LRRTM4: variants seen among roughly 807,000 people sequenced by gnomAD.
LRRTM4 encodes the protein leucine rich repeat transmembrane neuronal 4, also known as leucine-rich repeat transmembrane neuronal protein 4.
LRRTM4 carries 25 observed loss-of-function variants against 47.6 expected under a neutral mutation model. The ratio of observed to expected loss-of-function variants is 0.53; its 90% CI spans 0.38 to 0.73. LRRTM4 has a LOEUF of 0.73. Among genes scored for constraint, LRRTM4 ranks in the 30% least tolerant of loss-of-function variants. The probability of loss-of-function intolerance (pLI) is 0.00; values close to 1 mark genes in which losing one functional copy is unlikely to be tolerated. For missense variants in LRRTM4, 638 were observed against 713.4 expected (o/e 0.89, Z 1.20); for synonymous variants, 311 against 269.5 (o/e 1.15, Z -1.51).
At chr2:76,973,474 T>C (rs929429948) in intron 3 of LRRTM4, among the ~76,000 whole-genome samples, 1 of 151,950 alleles carries the variant, frequency 6.6e-6, no homozygotes, top group African/African-American at 2.4e-5. Flanking sequence ...TTCCTGAAGG[T>C]AGACATGCTA....
intron 3 of LRRTM4, among the ~76,000 whole-genome samples, chr2:76,999,906 T>G (rs1422635990): frequency 1.3e-5 from 2 of 152,150 alleles, no homozygotes; most frequent in East Asian, 1.9e-4. Flanking sequence ...TAAAACTAAG[T>G]TGCTACAGTT....
chr2:77,009,793 T>TAA (rs1314697485), intron 3 of LRRTM4: 1 of 152,082 alleles, frequency 6.6e-6, no homozygotes, highest in East Asian at 1.9e-4. Context: ...TGCCTCTTAT[T>TAA]ACAGTGTAAG....
intron 3 of LRRTM4, among the ~76,000 whole-genome samples, chr2:76,773,703 A>AG (rs1673819540): frequency 6.6e-6 from 1 of 151,856 alleles, no homozygotes; most frequent in African/African-American, 2.4e-5. Flanking sequence ...ATCTTTACAC[A>AG]GAAAAACACA....
At chr2:77,306,017 C>T (rs1677261394) in intron 3 of LRRTM4, among the ~76,000 whole-genome samples, 1 of 152,052 alleles carries the variant, frequency 6.6e-6, no homozygotes, top group East Asian at 1.9e-4. Flanking sequence ...GACCACATGT[C>T]CATGTTTACA....
intron 3 of LRRTM4, among the ~76,000 whole-genome samples, chr2:77,387,708 C>T (rs1673338943): frequency 6.6e-6 from 1 of 152,066 alleles, no homozygotes; most frequent in Non-Finnish European, 1.5e-5. Flanking sequence ...ACCGCGGGCC[C>T]TTCACAGTTC....
chr2:77,361,200 C>T (rs1428786123), intron 3 of LRRTM4, among the ~76,000 whole-genome samples: 1 of 151,500 alleles, frequency 6.6e-6, no homozygotes, highest in Non-Finnish European at 1.5e-5. Flanking sequence ...TTCACCCACT[C>T]ACTTCTCTTA....
At chr2:77,216,273 T>G (rs1406080575) in intron 3 of LRRTM4, among the ~76,000 whole-genome samples, 1 of 152,240 alleles carries the variant, frequency 6.6e-6, no homozygotes, top group East Asian at 1.9e-4. Context: ...CCCAAATATC[T>G]TAAAATAAAT....
At chr2:77,275,137 A>G (rs559127203) in intron 3 of LRRTM4, among the ~76,000 whole-genome samples, 2 of 152,298 alleles carry the variant, frequency 1.3e-5, no homozygotes, top group East Asian at 3.9e-4. Context: ...TGACATATGT[A>G]AAGTACTACT....
chr2:77,521,000 A>T (rs1295855566), intron 2 of LRRTM4, among the ~76,000 whole-genome samples: 1 of 151,886 alleles, frequency 6.6e-6, no homozygotes, highest in African/African-American at 2.4e-5. Context: ...CCAAATCCCT[A>T]ATCTAAAACC....
chr2:77,236,984 CTTTG>C (rs1351492795), intron 3 of LRRTM4, among the ~76,000 whole-genome samples: 3 of 151,772 alleles, frequency 2.0e-5, no homozygotes, highest in African/African-American at 2.4e-5. Context: ...CTGTGGTTTT[CTTTG>C]TTTGTTGTAT....
chr2:76,913,601 G>A (rs530047379), intron 3 of LRRTM4, among the ~76,000 whole-genome samples: 13 of 143,930 alleles, frequency 9.0e-5, no homozygotes, highest in South Asian at 6.6e-4. Flanking sequence ...GTGCAATTGC[G>A]CGATCTTGGC....
intron 3 of LRRTM4, among the ~76,000 whole-genome samples, chr2:76,931,136 A>G (rs1040252745): frequency 1.3e-5 from 2 of 152,174 alleles, no homozygotes; most frequent in Non-Finnish European, 2.9e-5. Flanking sequence ...AGAAAGAAAA[A>G]AATAACTGAA....
Position 77,174,321 on chromosome 2 carries a change from C to T in LRRTM4, c.1551+343997G>A, listed in dbSNP as rs143462555. 4.0e-3 allele frequency among the ~76,000 whole-genome samples: 613 copies of T among 152,288 alleles called. 2 individuals are homozygous for T. The highest frequency in any genetic ancestry group is 6.4e-3 in the Admixed American group (98 of 15,294). On this transcript the variant is annotated intron_variant, in intron 3 of 3. Transcript: ENST00000409884. ...GCCTGGCAACCTTAAAAGAGCCACACGGACATTATTCAGCTTTTCAGGCCA... is the reference window on the plus strand; with the variant it reads ...GCCTGGCAACCTTAAAAGAGCCACATGGACATTATTCAGCTTTTCAGGCCA...
At chr2:77,465,383 A>G (rs1676944779) in intron 3 of LRRTM4, among the ~76,000 whole-genome samples, 1 of 152,196 alleles carries the variant, frequency 6.6e-6, no homozygotes. Context: ...GATTATATGT[A>G]TGGGGTTTTA....
At chr2:77,208,890 A>C (rs543724262) in intron 3 of LRRTM4, among the ~76,000 whole-genome samples, 3 of 152,318 alleles carry the variant, frequency 2.0e-5, no homozygotes, top group Non-Finnish European at 4.4e-5. Flanking sequence ...TATTTGTACC[A>C]CACATGTAAA....
chr2:77,362,093 A>G (rs991969929), intron 3 of LRRTM4, among the ~76,000 whole-genome samples: 14 of 116,616 alleles, frequency 1.2e-4, no homozygotes, highest in Non-Finnish European at 2.3e-4. Context: ...GTCTCAAAAA[A>G]GGAAAAGGAA....
intron 3 of LRRTM4, among the ~76,000 whole-genome samples, chr2:76,906,425 G>C (rs1396496219): frequency 6.6e-6 from 1 of 151,984 alleles, no homozygotes; most frequent in African/African-American, 2.4e-5. Flanking sequence ...AGACTAGGAA[G>C]AAACTGCATC....
chr2:77,263,066 T>G (rs1030151110), intron 3 of LRRTM4, among the ~76,000 whole-genome samples: 10 of 152,078 alleles, frequency 6.6e-5, no homozygotes, highest in African/African-American at 9.7e-5. Flanking sequence ...AGACAGGGGC[T>G]GAAGGTTGAG....
intron 3 of LRRTM4, among the ~76,000 whole-genome samples, chr2:77,466,518 GAC>G (rs1676987502): frequency 6.6e-6 from 1 of 151,994 alleles, no homozygotes; most frequent in African/African-American, 2.4e-5. Context: ...TCATTTTTGA[GAC>G]ATCTATTTTA....
Sources: allele counts gnomAD v4.1 joint callset (sites outside exome capture counted in the v4.1 genomes callset), GRCh38; gene constraint gnomAD v4.1.1; transcripts MANE v1.5; gene names NCBI Gene and HGNC (gene_info 2026-07-23, HGNC 2026-07-21).